The following AFAP1L2 variants were observed in gnomAD, a reference collection of about 807,000 sequenced individuals.
AFAP1L2 encodes the protein actin filament associated protein 1 like 2.
AFAP1L2 carries 46 observed loss-of-function variants against 99.3 expected under a neutral mutation model. The ratio of observed to expected loss-of-function variants is 0.46; its 90% CI spans 0.37 to 0.59. The LOEUF is 0.59. AFAP1L2 is among the 20% of genes least tolerant of loss of function. AFAP1L2 has a pLI of 0.00. For synonymous variants in AFAP1L2, 397 were observed against 419.1 expected (o/e 0.95, Z 0.64); for missense variants, 959 against 1,034.9 (o/e 0.93, Z 1.01).
chr10:114,374,841 G>A (rs2054589933), intron 1 of AFAP1L2, among the ~76,000 whole-genome samples: 1 of 137,250 alleles, frequency 7.3e-6, no homozygotes, highest in Admixed American at 7.3e-5. Flanking sequence ...GGGGCAGAGG[G>A]AGGGAGGGGG....
intron 11 of AFAP1L2, among the ~76,000 whole-genome samples, chr10:114,304,127 G>C (rs1475713633): frequency 1.3e-5 from 2 of 152,200 alleles, no homozygotes; most frequent in African/African-American, 4.8e-5. Context: ...CCAGAGGGCA[G>C]GATTGGAGCA....
Position 114,295,168 on chromosome 10 carries a change from G to A in AFAP1L2, c.*874C>T, listed in dbSNP as rs935967137. ...ACATTAAACAGAACTTAAAATCAGA[G>A]ACTATTTATATTAAATAACTCTTCC... On this transcript the variant is annotated 3_prime_UTR_variant, in exon 19 of 19. Transcript: ENST00000304129. The A allele has an allele frequency of 1.0e-6, 1 of 985,470 alleles. No homozygotes were observed. Among genetic ancestry groups the A allele is most frequent in the Non-Finnish European group, 1.2e-6 (1 of 829,784 alleles). 61.0% of individuals were successfully genotyped at this position (985,470 alleles called of 1,614,324 possible).
intron 16 of AFAP1L2, among the ~76,000 whole-genome samples, chr10:114,298,912 A>C (rs1564776149): frequency 6.6e-6 from 1 of 152,224 alleles, no homozygotes; most frequent in Non-Finnish European, 1.5e-5. Flanking sequence ...GAGCTCAAAA[A>C]ATCTGCAGTG....
In AFAP1L2 at chr10:114,295,029, A is replaced by AG. The variant is rs2039978898; in HGVS notation, c.*1012_*1013insC. The AG allele has an allele frequency of 1.0e-6, 1 of 985,108 alleles. No individual in the cohort carries two copies. Among genetic ancestry groups the AG allele is most frequent in the African/African-American group, 1.8e-5 (1 of 57,120 alleles). The allele number at this position is 985,108 out of a possible 1,614,324, so 61.0% of individuals were successfully genotyped here. A position where few individuals can be genotyped will look rare whatever the true frequency, so the allele number is the denominator to read the frequency against. ...TTCAACCTGTGTTAAAAAAAAAAAA[A>AG]AAAAAATGCCATCAGAGGAAAAGAC... is the stretch of plus-strand genomic sequence containing the variant. On this transcript the variant is annotated 3_prime_UTR_variant, in exon 19 of 19. Coordinates refer to ENST00000304129, the MANE Select transcript of AFAP1L2 (RefSeq NM_001001936.3).
In AFAP1L2 at chr10:114,315,583, C is replaced by T. The variant is rs1339480875; in HGVS notation, c.589G>A (p.Val197Ile). 1 of 1,614,020 alleles carries T rather than the reference C, an allele frequency of 6.2e-7. No individual in the cohort carries two copies. Among genetic ancestry groups the T allele is most frequent in the African/African-American group, 1.3e-5 (1 of 74,944 alleles). The change falls in exon 6 of 19, where the codon GTC becomes ATC. Residue 197 changes from valine to isoleucine, a missense_variant. This residue lies in a region of AFAP1L2 where 383 missense variants were observed against 472.8 expected (regional missense o/e 0.81). Transcript: ENST00000304129. ...ACCAGAAGCCTGTTGTCCTTGATGACACAGAGCTGCTTGGCCCACTGTCCC... is the reference window on the plus strand; with the variant it reads ...ACCAGAAGCCTGTTGTCCTTGATGATACAGAGCTGCTTGGCCCACTGTCCC... ...WLGQWAKQLCVIKDNRLLCYK... is the reference protein window; with the variant it reads ...WLGQWAKQLCIIKDNRLLCYK...
intron 2 of AFAP1L2, among the ~76,000 whole-genome samples, chr10:114,333,725 C>A (rs2047542118): frequency 6.6e-6 from 1 of 152,112 alleles, no homozygotes; most frequent in African/African-American, 2.4e-5. Flanking sequence ...GCAGGAGAAT[C>A]ACTTGAACCT....
Position 114,318,699 on chromosome 10 carries a change from G to A in AFAP1L2, c.407-2934C>T, listed in dbSNP as rs546685042. 8.1e-5 allele frequency among the ~76,000 whole-genome samples: 12 copies of A among 147,448 alleles called. No homozygotes were observed. The East Asian group carries it at 1.4e-3, about 17-fold the overall frequency. On this transcript the variant is annotated intron_variant, in intron 5 of 18. Coordinates refer to ENST00000304129, the MANE Select transcript of AFAP1L2 (RefSeq NM_001001936.3). ...GGAGATTGCGGTGAGCTGAGATCGC[G>A]CCACTGCACTCCAGCCTGGCGGCAG...
intron 1 of AFAP1L2, among the ~76,000 whole-genome samples, chr10:114,384,814 C>T (rs530454564): frequency 6.6e-5 from 10 of 152,326 alleles, no homozygotes; most frequent in African/African-American, 1.2e-4. Context: ...CACAGCAGTG[C>T]GGGGCCCACA....
In AFAP1L2 at chr10:114,404,495, G is replaced by A. The variant is rs770138100; in HGVS notation, c.-40C>T. 1 of 1,527,594 alleles carries A rather than the reference G, an allele frequency of 6.5e-7. No individual in the cohort carries two copies. The highest frequency in any genetic ancestry group is 1.2e-5 in the South Asian group (1 of 83,042). The allele number at this position is 1,527,594 out of a possible 1,614,324, so 94.6% of individuals were successfully genotyped here. The stretch of plus-strand genomic sequence containing the variant: ...GCGCTCCTCGCGGCTCGGCTTCTGC[G>A]CTGCTCTCCCGGCGCTCGGCTCAGC... On this transcript the variant is annotated 5_prime_UTR_variant, in exon 1 of 19. Coordinates refer to ENST00000304129, the MANE Select transcript of AFAP1L2 (RefSeq NM_001001936.3).
intron 1 of AFAP1L2, 189 bp from the exon 2 acceptor site, chr10:114,340,920 G>A (rs1590325877): frequency 2.8e-6 from 2 of 726,180 alleles, no homozygotes; most frequent in East Asian, 2.7e-5. Flanking sequence ...AGGGCCACAG[G>A]GAGAGAGAAA....
At chr10:114,286,368 T>C in the AFAP1L2 span, 1 of 1,613,916 alleles carries the variant, frequency 6.2e-7, no homozygotes, top group African/African-American at 1.3e-5. Context: ...CTGCTCCTGC[T>C]GGGTGTAGGC....
intron 5 of AFAP1L2, among the ~76,000 whole-genome samples, chr10:114,316,142 A>C (rs1188583237): frequency 6.6e-6 from 1 of 152,158 alleles, no homozygotes. Flanking sequence ...AATTCCTCAA[A>C]TGAAAGATGA....
chr10:114,334,620 C>A (rs756880660), intron 2 of AFAP1L2, among the ~76,000 whole-genome samples: 1 of 152,184 alleles, frequency 6.6e-6, no homozygotes, highest in Non-Finnish European at 1.5e-5. Context: ...AGTGCCTTGC[C>A]CTGCCAGGAC....
chr10:114,297,378 T>A lies in AFAP1L2; in HGVS notation c.2149A>T (p.Lys717Ter). ...EVLASLEQKL[K>*]EIDEECRGEE... is the part of the protein sequence containing the mutation. ...CCCCGGCACTCCTCGTCAATTTCCT[T>A]CAGCTTCTGCTCCAGGCTCGCCAGG... Residue 717 changes from lysine (K) to a stop codon, truncating the protein, a stop_gained, in exon 17 of 19, where the codon AAG becomes TAG. Transcript: ENST00000304129. LOFTEE classifies it high-confidence loss of function. 6.2e-7 allele frequency: 1 copy of A among 1,613,504 alleles called. No homozygotes were observed. Among genetic ancestry groups the A allele is most frequent in the Non-Finnish European group, 8.5e-7 (1 of 1,179,982 alleles).
chr10:114,301,209 G>T, intron 13 of AFAP1L2, 145 bp downstream of exon 13: 1 of 650,190 alleles, frequency 1.5e-6, no homozygotes, highest in South Asian at 1.9e-5. Context: ...TTGCACTTAG[G>T]TGTCTGCACT....
intron 5 of AFAP1L2, among the ~76,000 whole-genome samples, chr10:114,317,356 G>A (rs1041231138): frequency 1.3e-5 from 2 of 152,164 alleles, no homozygotes; most frequent in Non-Finnish European, 2.9e-5. Flanking sequence ...ATATAAAAGT[G>A]TATAATTTAT....
intron 2 of AFAP1L2, among the ~76,000 whole-genome samples, chr10:114,337,082 G>A (rs775073904): frequency 5.9e-5 from 9 of 152,210 alleles, no homozygotes; most frequent in African/African-American, 1.2e-4. Context: ...CTGGGAGGCC[G>A]AGGGAAAGAA....
chr10:114,296,154 A>C, intron 18 of AFAP1L2, 86 bp from the exon 19 acceptor site: 1 of 1,569,870 alleles, frequency 6.4e-7, no homozygotes, highest in Non-Finnish European at 8.8e-7. Flanking sequence ...ATACATAGAA[A>C]AAATGTGAGA....
downstream of AFAP1L2, chr10:114,291,092 A>C (rs2039549397): frequency 8.9e-7 from 1 of 1,118,404 alleles, no homozygotes; most frequent in Admixed American, 2.0e-5. Flanking sequence ...CTAATCTGGC[A>C]TCTTCTGCTG....
Sources: gnomAD v4.1 joint callset for allele counts (sites outside exome capture counted in the v4.1 genomes callset) on GRCh38, gnomAD v4.1.1 for gene constraint, gnomAD v4.1.1 regional missense constraint, MANE v1.5 for transcripts, NCBI Gene and HGNC (gene_info 2026-07-23, HGNC 2026-07-21) for gene names.